The following FHIT variants were observed in gnomAD, a reference collection of about 807,000 sequenced individuals.
FHIT encodes the protein bis(5'-adenosyl)-triphosphatase.
In FHIT, 19 loss-of-function variants were observed where a neutral mutation model predicts 17.9. The observed-to-expected ratio is 1.06, with a 90% CI of 0.74 to 1.56. The LOEUF (loss-of-function observed/expected upper bound fraction) is 1.56. Among genes scored for constraint, FHIT ranks in the 40% most tolerant of loss-of-function variants. FHIT has a pLI of 0.00. For missense variants in FHIT, 248 were observed against 189.2 expected (o/e 1.31, Z -1.82); for synonymous variants, 81 against 69.7 (o/e 1.16, Z -0.81).
chr3:59,817,577 A>AAAAAG (rs1553686383), intron 8 of FHIT, among the ~76,000 whole-genome samples: 1 of 151,062 alleles, frequency 6.6e-6, no homozygotes, highest in Non-Finnish European at 1.5e-5. Context: ...AAAAAAAAAA[A>AAAAAG]AAAGAAAGAA....
chr3:59,864,321 T>C (rs1451238160), intron 8 of FHIT, among the ~76,000 whole-genome samples: 1 of 152,118 alleles, frequency 6.6e-6, no homozygotes, highest in Non-Finnish European at 1.5e-5. Flanking sequence ...CAAAATCTCA[T>C]GGGTTTATCA....
At chr3:60,085,598 T>C (rs1022141708) in intron 5 of FHIT, among the ~76,000 whole-genome samples, 1 of 152,214 alleles carries the variant, frequency 6.6e-6, no homozygotes, top group African/African-American at 2.4e-5. Context: ...ACAAGTTGAA[T>C]GCCACTTGTT....
rs1396157091 is a variant in FHIT at position 60,181,135 on chromosome 3, A to C, written c.104-166983T>G. 2.2e-5 allele frequency among the ~76,000 whole-genome samples: 3 copies of C among 135,350 alleles called. No homozygotes were observed. The South Asian group carries it at 7.1e-4, about 32-fold the overall frequency. 88.8% of individuals were successfully genotyped at this position (135,350 alleles called of 152,430 possible). A position where few individuals can be genotyped will look rare whatever the true frequency, so the allele number is the denominator to read the frequency against. ...CTCTACAATCATTACACAGATTACA[A>C]ATTTTTTTAATTTTTTTTTTTTTTT... On this transcript the variant is annotated intron_variant, in intron 5 of 9. Transcript: ENST00000492590.
rs1398366606 is a variant in FHIT at position 60,096,104 on chromosome 3, T to A, written c.104-81952A>T. Among the ~76,000 whole-genome samples the A allele has an allele frequency of 5.9e-5, 9 of 152,224 alleles. 1 individual carries two copies. Among genetic ancestry groups the A allele is most frequent in the Admixed American group, 5.9e-4 (9 of 15,280 alleles). ...CTGCCCAGGCCTCACTCGGCCATGC[T>A]ACTTGCTATAGGAGATGGCCCGCCC... On this transcript the variant is annotated intron_variant, in intron 5 of 9. Transcript: ENST00000492590.
intron 4 of FHIT, among the ~76,000 whole-genome samples, chr3:60,563,606 C>A (rs2037031110): frequency 6.6e-6 from 1 of 152,190 alleles, no homozygotes; most frequent in South Asian, 2.1e-4. Context: ...CCAGTGAACA[C>A]ACAAACAGTA....
At chr3:60,574,754 A>G (rs1306640432) in intron 4 of FHIT, among the ~76,000 whole-genome samples, 1 of 152,090 alleles carries the variant, frequency 6.6e-6, no homozygotes, top group East Asian at 1.9e-4. Context: ...TCATATTTAT[A>G]GAGTGCTCCC....
chr3:61,123,333 A>G (rs2036514112), intron 2 of FHIT, among the ~76,000 whole-genome samples: 1 of 152,154 alleles, frequency 6.6e-6, no homozygotes, highest in Non-Finnish European at 1.5e-5. Context: ...GGGGAACATC[A>G]CACACTGGGG....
At chr3:60,516,960 T>C (rs1225729182) in intron 5 of FHIT, among the ~76,000 whole-genome samples, 2 of 152,180 alleles carry the variant, frequency 1.3e-5, no homozygotes, top group Non-Finnish European at 2.9e-5. Flanking sequence ...ATCATTTGAA[T>C]CTCTACTCCT....
At chr3:60,253,183 T>C (rs977785121) in intron 5 of FHIT, among the ~76,000 whole-genome samples, 1 of 152,146 alleles carries the variant, frequency 6.6e-6, no homozygotes, top group African/African-American at 2.4e-5. Flanking sequence ...TCAAAATGCC[T>C]ACTGCCAAAA....
chr3:60,612,914 A>G (rs2038830134), intron 4 of FHIT, among the ~76,000 whole-genome samples: 1 of 152,180 alleles, frequency 6.6e-6, no homozygotes, highest in Non-Finnish European at 1.5e-5. Flanking sequence ...GCAACGAATC[A>G]TATTTGGCAT....
intron 2 of FHIT, among the ~76,000 whole-genome samples, chr3:61,051,590 C>A (rs929343876): frequency 3.3e-5 from 5 of 152,104 alleles, no homozygotes; most frequent in African/African-American, 1.2e-4. Flanking sequence ...GGCTAAAATA[C>A]TTCCATTTTT....
intron 3 of FHIT, among the ~76,000 whole-genome samples, chr3:60,888,990 C>G (rs1464012422): frequency 6.6e-6 from 1 of 152,148 alleles, no homozygotes; most frequent in African/African-American, 2.4e-5. Context: ...TCTTTGCCTT[C>G]TACTTTTAAA....
chr3:60,877,933 G>A (rs1196154333), intron 3 of FHIT, among the ~76,000 whole-genome samples: 1 of 152,056 alleles, frequency 6.6e-6, no homozygotes, highest in Non-Finnish European at 1.5e-5. Context: ...GCCACATGGA[G>A]TCTGGGATAC....
intron 8 of FHIT, among the ~76,000 whole-genome samples, chr3:59,866,297 G>A (rs1388871780): frequency 7.0e-6 from 1 of 142,170 alleles, no homozygotes; most frequent in Non-Finnish European, 1.5e-5. Flanking sequence ...GACAGCCTAA[G>A]GCAGAAACAA....
At chr3:61,015,677 G>A (rs1048019857) in intron 3 of FHIT, among the ~76,000 whole-genome samples, 40 of 152,144 alleles carry the variant, frequency 2.6e-4, no homozygotes, top group African/African-American at 9.4e-4. Flanking sequence ...GAAATAAGGT[G>A]AAGAACATGA....
chr3:60,962,870 G>T (rs1026930147), intron 3 of FHIT, among the ~76,000 whole-genome samples: 3 of 152,136 alleles, frequency 2.0e-5, no homozygotes, highest in African/African-American at 7.2e-5. Context: ...TGTTCATCAG[G>T]GATATTGGTC....
At chr3:60,671,786 A>AG (rs1365063531) in intron 4 of FHIT, among the ~76,000 whole-genome samples, 31 of 150,908 alleles carry the variant, frequency 2.1e-4, no homozygotes, top group Admixed American at 2.1e-3. Context: ...CTAAAAAAAA[A>AG]AAAAAACACA....
At chr3:60,335,633 T>G (rs1338219404) in intron 5 of FHIT, among the ~76,000 whole-genome samples, 1 of 152,142 alleles carries the variant, frequency 6.6e-6, no homozygotes, top group Non-Finnish European at 1.5e-5. Flanking sequence ...TCGGGTGCTG[T>G]GTTAGATATG....
At chr3:60,369,489 G>T (rs1487052449) in intron 5 of FHIT, among the ~76,000 whole-genome samples, 1 of 152,082 alleles carries the variant, frequency 6.6e-6, no homozygotes, top group Non-Finnish European at 1.5e-5. Context: ...TAATAATTAT[G>T]AATGATATAT....
Sources: gnomAD v4.1 joint callset for allele counts (sites outside exome capture counted in the v4.1 genomes callset) on GRCh38, gnomAD v4.1.1 for gene constraint, MANE v1.5 for transcripts, NCBI Gene and HGNC (gene_info 2026-07-23, HGNC 2026-07-21) for gene names.